The following COLEC12 variants were observed in gnomAD, a reference collection of about 807,000 sequenced individuals.
COLEC12 encodes collectin-12.
Under a neutral mutation model 71.1 loss-of-function variants are expected in COLEC12, and 33 were observed. That is an observed-to-expected ratio of 0.46 (90% CI 0.35 to 0.62). COLEC12 has a LOEUF of 0.62. COLEC12 is among the 20% of genes least tolerant of loss of function. The pLI is 0.00. For missense variants in COLEC12, 765 were observed against 916.1 expected (o/e 0.84, Z 2.13); for synonymous variants, 350 against 353.0 (o/e 0.99, Z 0.10).
chr18:356,185 G>A (rs1914625736), intron 3 of COLEC12, among the ~76,000 whole-genome samples: 1 of 152,110 alleles, frequency 6.6e-6, no homozygotes, highest in Admixed American at 6.6e-5. Flanking sequence ...TGATTTCCTG[G>A]GACCAGCTAT....
rs147813406 is a variant in COLEC12 at position 383,706 on chromosome 18, C to T, written c.59-26184G>A. On this transcript the variant is annotated intron_variant, in intron 2 of 9. Coordinates refer to ENST00000400256, the MANE Select transcript of COLEC12 (RefSeq NM_130386.3). ...CACACTCTACCTGGGTATCCATCAA[C>T]GCCTCTGATTAGTAAAGAATCCAGA... Among the ~76,000 whole-genome samples the T allele has an allele frequency of 3.2e-3, 484 of 152,242 alleles. 4 individuals carry two copies. The highest frequency in any genetic ancestry group is 0.011 in the African/African-American group (450 of 41,526).
At chr18:397,209 G>A (rs919518836) in intron 2 of COLEC12, among the ~76,000 whole-genome samples, 3 of 152,094 alleles carry the variant, frequency 2.0e-5, no homozygotes, top group African/African-American at 7.2e-5. Context: ...GACTTTGTTT[G>A]CAGGCAGGTT....
chr18:373,826 G>A (rs190851218), intron 2 of COLEC12, among the ~76,000 whole-genome samples: 42 of 152,116 alleles, frequency 2.8e-4, no homozygotes, highest in African/African-American at 5.8e-4. Context: ...GTCCAGTACC[G>A]AATGATGCCA....
intron 8 of COLEC12, 40 bp downstream of exon 8, chr18:331,628 G>T: frequency 7.7e-7 from 1 of 1,294,086 alleles, no homozygotes; most frequent in Non-Finnish European, 1.1e-6. Context: ...ACAGAACAGT[G>T]AGAGCCTGAC....
At chr18:409,612 A>T (rs1021999960) in intron 2 of COLEC12, among the ~76,000 whole-genome samples, 4 of 152,206 alleles carry the variant, frequency 2.6e-5, no homozygotes, top group Non-Finnish European at 5.9e-5. Context: ...ATGATTTTGT[A>T]GGTATTTATT....
chr18:328,559 A>G (rs1398327247), intron 8 of COLEC12, among the ~76,000 whole-genome samples: 1 of 152,240 alleles, frequency 6.6e-6, no homozygotes, highest in Non-Finnish European at 1.5e-5. Context: ...GATAATAGCA[A>G]TAATATACCA....
At chr18:368,868 A>AAC (rs1914930604) in intron 2 of COLEC12, among the ~76,000 whole-genome samples, 2 of 152,220 alleles carry the variant, frequency 1.3e-5, no homozygotes, top group African/African-American at 4.8e-5. Flanking sequence ...TCCGTCTCAA[A>AAC]AACAAAACAA....
At chr18:427,371 A>G (rs1027095009) in intron 2 of COLEC12, among the ~76,000 whole-genome samples, 2 of 152,188 alleles carry the variant, frequency 1.3e-5, no homozygotes, top group Non-Finnish European at 1.5e-5. Flanking sequence ...TGAGCGTCCT[A>G]TGTGGGCCGT....
chr18:386,614 C>G (rs1215405906), intron 2 of COLEC12, among the ~76,000 whole-genome samples: 1 of 152,160 alleles, frequency 6.6e-6, no homozygotes, highest in Non-Finnish European at 1.5e-5. Flanking sequence ...GTGACTTGCT[C>G]AAGGTCACAC....
intron 8 of COLEC12, among the ~76,000 whole-genome samples, chr18:328,090 A>C (rs1196930784): frequency 6.6e-6 from 1 of 152,046 alleles, no homozygotes; most frequent in African/African-American, 2.4e-5. Context: ...CTCCCACCTC[A>C]GCCTACGCTT....
Position 476,487 on chromosome 18 carries a change from C to T in COLEC12, c.58+4220G>A, listed in dbSNP as rs561796500. Among the ~76,000 whole-genome samples, 7 of 152,210 alleles carry T rather than the reference C, an allele frequency of 4.6e-5. 1 individual carries two copies. Among genetic ancestry groups the T allele is most frequent in the Admixed American group, 3.3e-4 (5 of 15,282 alleles). ...CATGTATCTCTTGCTTCTCCATCATCCTAACTTTGGACGTCTATTATCATA... is the reference window on the plus strand; with the variant it reads ...CATGTATCTCTTGCTTCTCCATCATTCTAACTTTGGACGTCTATTATCATA... On this transcript the variant is annotated intron_variant, in intron 2 of 9. Transcript: ENST00000400256.
intron 1 of COLEC12, among the ~76,000 whole-genome samples, chr18:493,000 T>C (rs10853322): frequency 0.74 from 112,203 of 151,958 alleles, 41,680 homozygotes; most frequent in African/African-American, 0.8. Context: ...GCTAGGAGTT[T>C]GAGACGAGCC....
intron 2 of COLEC12, among the ~76,000 whole-genome samples, chr18:366,001 G>A (rs964830493): frequency 3.3e-5 from 5 of 152,138 alleles, no homozygotes; most frequent in South Asian, 4.2e-4. Flanking sequence ...GAGTTCCTTC[G>A]ACCCCAGAAT....
At chr18:369,674 A>G (rs1362425353) in intron 2 of COLEC12, among the ~76,000 whole-genome samples, 2 of 152,200 alleles carry the variant, frequency 1.3e-5, no homozygotes, top group African/African-American at 4.8e-5. Flanking sequence ...CAAATTTACA[A>G]TCTCTGTGGC....
intron 2 of COLEC12, among the ~76,000 whole-genome samples, chr18:454,107 T>C (rs1029331375): frequency 2.6e-5 from 4 of 152,322 alleles, no homozygotes; most frequent in East Asian, 1.9e-4. Context: ...AGGCTTTCCA[T>C]AGACTCCAAA....
rs74523261 is a variant in COLEC12, at chr18:476,749, A to T, written c.58+3958T>A. Among the ~76,000 whole-genome samples the T allele has an allele frequency of 0.018, 2,684 of 152,322 alleles. 128 individuals are homozygous for T. The East Asian group carries it at 0.2, about 11-fold the overall frequency. On this transcript the variant is annotated intron_variant, in intron 2 of 9. Coordinates refer to ENST00000400256, the MANE Select transcript of COLEC12 (RefSeq NM_130386.3). ...CAGGTAACTGGGAAATAAATAGACAAATATCACTTTCGTGGTAGTACATAT... is the reference window on the plus strand; with the variant it reads ...CAGGTAACTGGGAAATAAATAGACATATATCACTTTCGTGGTAGTACATAT...
At chr18:413,396 G>A (rs1915928897) in intron 2 of COLEC12, among the ~76,000 whole-genome samples, 1 of 152,218 alleles carries the variant, frequency 6.6e-6, no homozygotes, top group Admixed American at 6.5e-5. Flanking sequence ...TATGCTGCTG[G>A]TGAGAATGTA....
intron 4 of COLEC12, 152 bp from the exon 5 acceptor site, chr18:347,493 A>C (rs912911722): frequency 4.9e-6 from 3 of 617,102 alleles, no homozygotes; most frequent in Non-Finnish European, 5.6e-6. Flanking sequence ...TAAAATGTAC[A>C]TATCTATTAA....
At chr18:458,124 C>T (rs1007571718) in intron 2 of COLEC12, among the ~76,000 whole-genome samples, 3 of 152,116 alleles carry the variant, frequency 2.0e-5, no homozygotes, top group African/African-American at 4.8e-5. Flanking sequence ...AAGAGAAAAA[C>T]GTTCAGCTCA....
Sources: allele counts gnomAD v4.1 joint callset (sites outside exome capture counted in the v4.1 genomes callset), GRCh38; gene constraint gnomAD v4.1.1; transcripts MANE v1.5; gene names NCBI Gene and HGNC (gene_info 2026-07-23, HGNC 2026-07-21).